FOXP2: variants seen among roughly 807,000 people sequenced by gnomAD.
FOXP2 encodes forkhead box P2, also known as forkhead box protein P2.
A neutral mutation model predicts 115.8 loss-of-function variants in FOXP2; 12 were observed. The ratio of observed to expected loss-of-function variants is 0.10; its 90% CI spans 0.07 to 0.17. The LOEUF (loss-of-function observed/expected upper bound fraction) is 0.17. Among genes scored for constraint, FOXP2 ranks in the 10% least tolerant of loss-of-function variants. FOXP2 has a pLI of 1.00. For synonymous variants in FOXP2, 328 were observed against 297.7 expected (o/e 1.10, Z -1.05); for missense variants, 629 against 843.5 (o/e 0.75, Z 3.15).
chr7:114,679,073 G>A (rs1382894206), intron 16 of FOXP2, among the ~76,000 whole-genome samples: 1 of 151,992 alleles, frequency 6.6e-6, no homozygotes, highest in African/African-American at 2.4e-5. Flanking sequence ...CAAGCAATCT[G>A]CCTGCCTCAA....
chr7:114,421,338 A>G (rs1175777894), intron 1 of FOXP2, among the ~76,000 whole-genome samples: 1 of 151,592 alleles, frequency 6.6e-6, no homozygotes, highest in Non-Finnish European at 1.5e-5. Flanking sequence ...TAAGTTTTTC[A>G]TTGGCTTTAC....
chr7:114,646,018 C>A (rs1008321008), intron 8 of FOXP2, among the ~76,000 whole-genome samples: 1 of 104,054 alleles, frequency 9.6e-6, no homozygotes, highest in Non-Finnish European at 1.9e-5. Flanking sequence ...AGCAAAGAGA[C>A]CATTAAAAAA....
chr7:114,427,816 A>T (rs1470436300), intron 2 of FOXP2, among the ~76,000 whole-genome samples: 1 of 151,662 alleles, frequency 6.6e-6, no homozygotes, highest in Non-Finnish European at 1.5e-5. Flanking sequence ...ATAATGTCTT[A>T]ACCTTTAGGC....
chr7:114,572,941 G>A (rs1336852747), intron 3 of FOXP2, among the ~76,000 whole-genome samples: 1 of 151,788 alleles, frequency 6.6e-6, no homozygotes, highest in East Asian at 1.9e-4. Flanking sequence ...CTTTCCAAAG[G>A]TATCCCAAAT....
chr7:114,330,729 T>G (rs969581671), intron 2 of FOXP2, among the ~76,000 whole-genome samples: 4 of 152,000 alleles, frequency 2.6e-5, no homozygotes, highest in African/African-American at 9.7e-5. Flanking sequence ...GTCATTTATA[T>G]TATTTAGTCT....
chr7:114,113,478 C>G (rs553860387), intron 1 of FOXP2, among the ~76,000 whole-genome samples: 1 of 152,254 alleles, frequency 6.6e-6, no homozygotes, highest in East Asian at 1.9e-4. Flanking sequence ...AACTCCTGTG[C>G]TCAGGCAGTC....
intron 3 of FOXP2, among the ~76,000 whole-genome samples, chr7:114,614,506 C>A (rs1438477197): frequency 6.6e-6 from 1 of 151,930 alleles, no homozygotes; most frequent in Non-Finnish European, 1.5e-5. Context: ...TTTTTTTTAA[C>A]ATAGTTAAAT....
chr7:114,389,750 G>T (rs993970046), intron 2 of FOXP2, among the ~76,000 whole-genome samples: 1 of 152,066 alleles, frequency 6.6e-6, no homozygotes, highest in East Asian at 1.9e-4. Context: ...TTGGCCGGGC[G>T]CAGTGGCTCA....
Position 114,624,212 on chromosome 7 carries a change from C to G in FOXP2, c.259-4328C>G, listed in dbSNP as rs1804405578. Among the ~76,000 whole-genome samples, 3 of 151,650 alleles carry G rather than the reference C, an allele frequency of 2.0e-5. No individual in the cohort carries two copies. The South Asian group carries it at 6.2e-4, about 31-fold the overall frequency. On this transcript the variant is annotated intron_variant, in intron 3 of 16. Transcript: ENST00000350908. ...CAATAAAATATTTTCTATTAACAGT[C>G]AAAATCAGAGCAGATACTGTAACAT...
intron 1 of FOXP2, among the ~76,000 whole-genome samples, chr7:114,122,222 C>G (rs1212293847): frequency 6.6e-6 from 1 of 151,940 alleles, no homozygotes; most frequent in Non-Finnish European, 1.5e-5. Context: ...ATGAAACTAC[C>G]TCCCATGAAT....
chr7:114,218,620 A>G (rs1794542778), intron 1 of FOXP2, among the ~76,000 whole-genome samples: 1 of 152,248 alleles, frequency 6.6e-6, no homozygotes, highest in Non-Finnish European at 1.5e-5. Context: ...TGAAATTGAT[A>G]TGAGAAAGAA....
rs115824595 is a variant in FOXP2, at chr7:114,205,461, A to G, written c.-102+42373A>G. Among the ~76,000 whole-genome samples, 1,404 of 152,314 alleles carry G rather than the reference A, an allele frequency of 9.2e-3. 14 individuals carry two copies. Among genetic ancestry groups the G allele is most frequent in the African/African-American group, 0.032 (1,337 of 41,578 alleles). ...TTACAACAGCTTCATGAGTATCACT[A>G]CATTGGTAAGGATTTTTGAAATAGG... On this transcript the variant is annotated intron_variant, in intron 1 of 17. Transcript: ENST00000634411.
chr7:114,510,104 A>T (rs1025747501), intron 2 of FOXP2, among the ~76,000 whole-genome samples: 1 of 152,138 alleles, frequency 6.6e-6, no homozygotes, highest in Non-Finnish European at 1.5e-5. Context: ...TTTTGTCCAA[A>T]CTACTTTCAT....
At chr7:114,125,072 A>G (rs1791671928) in intron 1 of FOXP2, among the ~76,000 whole-genome samples, 1 of 152,148 alleles carries the variant, frequency 6.6e-6, no homozygotes, top group Non-Finnish European at 1.5e-5. Flanking sequence ...ACCGACTTCC[A>G]TCATGGAATT....
chr7:114,258,917 C>T (rs1007876795), intron 1 of FOXP2, among the ~76,000 whole-genome samples: 10 of 152,094 alleles, frequency 6.6e-5, no homozygotes, highest in Non-Finnish European at 2.9e-5. Context: ...AATAGTTTAG[C>T]ATCTCGATTT....
intron 1 of FOXP2, among the ~76,000 whole-genome samples, chr7:114,263,635 T>G (rs1019220733): frequency 2.0e-5 from 3 of 151,738 alleles, no homozygotes; most frequent in African/African-American, 7.3e-5. Flanking sequence ...CTTTTCTTAA[T>G]CAGTCCCACC....
At chr7:114,266,304 T>G in intron 1 of FOXP2, among the ~76,000 whole-genome samples, 1 of 152,184 alleles carries the variant, frequency 6.6e-6, no homozygotes, top group East Asian at 1.9e-4. Flanking sequence ...GCCAATGTTC[T>G]CTGTTAGGGC....
chr7:114,271,758 T>C (rs1193091844), intron 1 of FOXP2, among the ~76,000 whole-genome samples: 1 of 118,360 alleles, frequency 8.4e-6, no homozygotes, highest in Non-Finnish European at 1.6e-5. Context: ...ATTAAATATA[T>C]ATTATTTAAT....
chr7:114,358,298 C>A (rs1172583957), intron 2 of FOXP2, among the ~76,000 whole-genome samples: 1 of 152,148 alleles, frequency 6.6e-6, no homozygotes, highest in Non-Finnish European at 1.5e-5. Context: ...GTTCATTAAA[C>A]CTGTTTGTCT....
Sources: allele counts gnomAD v4.1 joint callset (sites outside exome capture counted in the v4.1 genomes callset), GRCh38; gene constraint gnomAD v4.1.1; transcripts MANE v1.5; gene names NCBI Gene and HGNC (gene_info 2026-07-23, HGNC 2026-07-21).